Variants in SHANK2 observed in about 807,000 individuals in gnomAD.
SHANK2 encodes the protein SH3 and multiple ankyrin repeat domains 2.
Under a neutral mutation model 133.7 loss-of-function variants are expected in SHANK2, and 43 were observed. The ratio of observed to expected loss-of-function variants is 0.32; its 90% confidence interval spans 0.25 to 0.41. The LOEUF is 0.41. Among genes scored for constraint, SHANK2 ranks in the 10% least tolerant of loss-of-function variants. SHANK2 has a pLI of 1.00. For missense variants in SHANK2, 1,994 were observed against 2,235.8 expected (o/e 0.89, Z 2.18); for synonymous variants, 1,017 against 952.8 (o/e 1.07, Z -1.24).
chr11:70,894,478 C>A (rs879995200), intron 11 of SHANK2, among the ~76,000 whole-genome samples: 14 of 152,160 alleles, frequency 9.2e-5, no homozygotes, highest in Non-Finnish European at 1.9e-4. Flanking sequence ...TGAGACACCG[C>A]GCCTGGCCCC....
chr11:71,073,999 G>C (rs1951185636), intron 9 of SHANK2, among the ~76,000 whole-genome samples: 1 of 152,152 alleles, frequency 6.6e-6, no homozygotes, highest in African/African-American at 2.4e-5. Flanking sequence ...GCATCTTATG[G>C]AGCATGGACA....
chr11:70,664,045 C>T (rs1327771189), intron 15 of SHANK2, among the ~76,000 whole-genome samples: 1 of 152,182 alleles, frequency 6.6e-6, no homozygotes, highest in Non-Finnish European at 1.5e-5. Context: ...TGCCATTAAC[C>T]TCCAGCAGGC....
intron 14 of SHANK2, among the ~76,000 whole-genome samples, chr11:70,711,674 G>A (rs1426793092): frequency 4.6e-5 from 7 of 152,142 alleles, no homozygotes; most frequent in African/African-American, 1.7e-4. Context: ...CCGCGAGGGG[G>A]ACAGAAGGGC....
intron 17 of SHANK2, among the ~76,000 whole-genome samples, chr11:70,567,053 T>G (rs766400752): frequency 2.0e-5 from 3 of 152,230 alleles, no homozygotes; most frequent in African/African-American, 2.4e-5. Context: ...TGGAACCCTC[T>G]GAGCTGCTGC....
intron 17 of SHANK2, among the ~76,000 whole-genome samples, chr11:70,583,925 C>T (rs2060215843): frequency 6.6e-6 from 1 of 152,210 alleles, no homozygotes; most frequent in African/African-American, 2.4e-5. Flanking sequence ...CTCTCCCTTG[C>T]CACTCTCTGC....
At chr11:70,701,150 G>C (rs991691901) in intron 14 of SHANK2, among the ~76,000 whole-genome samples, 10 of 152,032 alleles carry the variant, frequency 6.6e-5, no homozygotes, top group African/African-American at 2.2e-4. Context: ...AGTGGAATGT[G>C]TGCGTGTGTG....
intron 3 of SHANK2, among the ~76,000 whole-genome samples, chr11:71,141,923 T>C (rs1194022158): frequency 1.3e-5 from 2 of 149,954 alleles, no homozygotes; most frequent in Non-Finnish European, 3.0e-5. Flanking sequence ...AGACACAAAA[T>C]GAACCACAGC....
intron 17 of SHANK2, among the ~76,000 whole-genome samples, chr11:70,652,413 TTATAA>T (rs1236786978): frequency 2.0e-5 from 3 of 152,236 alleles, no homozygotes; most frequent in Non-Finnish European, 4.4e-5. Context: ...TCAGTCATTA[TTATAA>T]TATTATTATC....
intron 10 of SHANK2, chr11:70,952,568 C>T (rs143202873): frequency 4.3e-5 from 9 of 209,720 alleles, no homozygotes; most frequent in Middle Eastern, 2.2e-3. Context: ...AGCTAGTACC[C>T]GTCTCAGTGC....
chr11:70,537,477 A>T (rs1210460767), intron 17 of SHANK2, among the ~76,000 whole-genome samples: 3 of 152,222 alleles, frequency 2.0e-5, no homozygotes, highest in African/African-American at 7.2e-5. Flanking sequence ...ATGAAGTCAG[A>T]GACAGGATGC....
intron 5 of SHANK2, among the ~76,000 whole-genome samples, chr11:71,111,551 G>A (rs1013242876): frequency 9.2e-5 from 14 of 152,160 alleles, no homozygotes; most frequent in African/African-American, 1.2e-4. Context: ...CGCCTGCTGC[G>A]TCTAACACTC....
intron 17 of SHANK2, among the ~76,000 whole-genome samples, chr11:70,611,319 T>C (rs1268044012): frequency 1.3e-5 from 2 of 152,234 alleles, no homozygotes; most frequent in Admixed American, 1.3e-4. Flanking sequence ...TTGTTCTCTG[T>C]GGGGATGGTG....
intron 12 of SHANK2, among the ~76,000 whole-genome samples, chr11:70,819,220 G>C (rs555486859): frequency 1.3e-5 from 2 of 152,262 alleles, no homozygotes; most frequent in African/African-American, 4.8e-5. Flanking sequence ...CAAGTCACCA[G>C]ATGCCAGAGC....
chr11:70,850,861 C>T (rs1423542668), intron 11 of SHANK2, among the ~76,000 whole-genome samples: 1 of 152,206 alleles, frequency 6.6e-6, no homozygotes, highest in East Asian at 1.9e-4. Context: ...AGAGTCCTGA[C>T]AATTGTGCTG....
intron 17 of SHANK2, among the ~76,000 whole-genome samples, chr11:70,540,556 G>A (rs1286862914): frequency 2.4e-5 from 1 of 42,038 alleles, no homozygotes; most frequent in South Asian, 1.1e-3. Flanking sequence ...GATTAGCGAC[G>A]GGGGGTGAGC....
At chr11:70,774,078 T>G (rs901454192) in intron 14 of SHANK2, among the ~76,000 whole-genome samples, 1 of 152,160 alleles carries the variant, frequency 6.6e-6, no homozygotes, top group Admixed American at 6.5e-5. Flanking sequence ...CATCTTCTAA[T>G]AGAAACAAAG....
intron 11 of SHANK2, among the ~76,000 whole-genome samples, chr11:70,839,387 G>A (rs906942314): frequency 2.6e-5 from 4 of 152,170 alleles, no homozygotes; most frequent in Admixed American, 6.5e-5. Flanking sequence ...CGTGGTATCC[G>A]GCAGCCAGCG....
chr11:70,503,712 G>C (rs1353563374), intron 17 of SHANK2, among the ~76,000 whole-genome samples: 4 of 152,226 alleles, frequency 2.6e-5, no homozygotes, highest in Non-Finnish European at 5.9e-5. Context: ...ACGGAAGTAG[G>C]AACGGACTCA....
intron 17 of SHANK2, among the ~76,000 whole-genome samples, chr11:70,538,541 TGTCCTGGCCCTTG>T (rs1270185938): frequency 1.3e-5 from 2 of 152,210 alleles, no homozygotes; most frequent in Non-Finnish European, 2.9e-5. Context: ...TCCCATGCAG[TGTCCTGGCCCTTG>T]GTCAGAGTAA....
Sources: gnomAD v4.1 joint callset for allele counts (sites outside exome capture counted in the v4.1 genomes callset) on GRCh38, gnomAD v4.1.1 for gene constraint, MANE v1.5 for transcripts, NCBI Gene and HGNC (gene_info 2026-07-23, HGNC 2026-07-21) for gene names.